CPZ: variants seen among roughly 807,000 people sequenced by gnomAD.
CPZ encodes carboxypeptidase Z.
In CPZ, 103 loss-of-function variants were observed where a neutral mutation model predicts 61.8. The ratio of observed to expected loss-of-function variants is 1.67; its 90% CI spans 1.42 to 1.96. CPZ has a LOEUF of 1.96. Among genes scored for constraint, CPZ ranks in the 30% most tolerant of loss-of-function variants. CPZ has a pLI of 0.00. For synonymous variants in CPZ, 551 were observed against 373.7 expected, an observed-to-expected ratio of 1.47 and a Z score of -5.47; for missense variants, 1,461 against 914.9, an observed-to-expected ratio of 1.60 and a Z score of -7.70.
chr4:8,606,665 G>A (rs1192525892), intron 5 of CPZ, 72 bp from the exon 6 acceptor site: 13 of 1,586,738 alleles, frequency 8.2e-6, no homozygotes, highest in East Asian at 4.5e-5. Flanking sequence ...TCAGCCCAGC[G>A]TGAGACCCAT....
At chr4:8,605,125 G>C (rs1714840968) in intron 4 of CPZ, among the ~76,000 whole-genome samples, 1 of 152,236 alleles carries the variant, frequency 6.6e-6, no homozygotes, top group Admixed American at 6.5e-5. Context: ...TATACCCCGG[G>C]ATGTGGCATC....
At chr4:8,605,793 C>T (rs980109782) in intron 4 of CPZ, among the ~76,000 whole-genome samples, 196 bp from the exon 5 acceptor site, 2 of 152,228 alleles carry the variant, frequency 1.3e-5, no homozygotes, top group Non-Finnish European at 2.9e-5. Flanking sequence ...ACTAAGAATT[C>T]TGGCTAGGCA....
At position 8,607,304 on chromosome 4, in the gene CPZ, A is replaced by G. The variant is rs761158013; in HGVS notation, c.1106A>G (p.Gln369Arg). The G allele has an allele frequency of 9.9e-6, 16 of 1,613,992 alleles. No homozygotes were observed. In the Admixed American group the frequency reaches 2.0e-4, roughly 20 times the overall value. Residue 369 changes from glutamine (Q) to arginine (R), a missense_variant, in exon 7 of 11, where the codon CAG becomes CGG. Gln to Arg is a conservative substitution (Grantham distance 43). Transcript: ENST00000360986. Reference sequence around the variant, plus strand: ...ACAAAGGCAATCATGAAGTGGATGCAGACCATACCCTTTGTGCTCTCAGCC... The same window carrying G: ...ACAAAGGCAATCATGAAGTGGATGCGGACCATACCCTTTGTGCTCTCAGCC... ...PETKAIMKWM[Q>R]TIPFVLSASL...
chr4:8,618,127 C>A lies in CPZ; in HGVS notation c.1504-302C>A, dbSNP rs542300246. 157 of 376,746 alleles carry A rather than the reference C, an allele frequency of 4.2e-4. 1 individual carries two copies. The highest frequency in any genetic ancestry group is 3.1e-3 in the African/African-American group (151 of 48,556). 23.3% of individuals were successfully genotyped at this position (376,746 alleles called of 1,614,324 possible). ...GAATGCCGATCAGGCAGAAGAGTGGCAGGAAAGGGTTCTCTGCTCAATGCC... is the reference window on the plus strand; with the variant it reads ...GAATGCCGATCAGGCAGAAGAGTGGAAGGAAAGGGTTCTCTGCTCAATGCC... On this transcript the variant is annotated intron_variant, in intron 9 of 10. Coordinates refer to ENST00000360986, the MANE Select transcript of CPZ (RefSeq NM_001014447.3).
At chr4:8,606,643 T>C (rs1715034293) in intron 5 of CPZ, 94 bp from the exon 6 acceptor site, 5 of 1,514,546 alleles carry the variant, frequency 3.3e-6, no homozygotes, top group Non-Finnish European at 4.6e-6. Flanking sequence ...CCGCAGCCCC[T>C]GGCCTTGACC....
Position 8,612,036 on chromosome 4 carries a change from CT to C in CPZ, c.1238del (p.Leu413ArgfsTer12), listed in dbSNP as rs748945333. 108 of 1,613,902 alleles carry C rather than the reference CT, an allele frequency of 6.7e-5. No homozygotes were observed. Among genetic ancestry groups the C allele is most frequent in the Non-Finnish European group, 6.8e-5 (80 of 1,180,024 alleles). The stretch of plus-strand genomic sequence containing the variant: ...CAGGTTTCTTTTCCAGATGTTCAAG[CT>C]GCTGTCCAGAGCCTACGCTGACGTC... Reference protein sequence around the residue: ...SPTPDEKMFKLLSRAYADVHP... With the variant: ...SPTPDEKMFKXLSRAYADVHP... On this transcript the variant is annotated frameshift_variant, in exon 8 of 11. Transcript: ENST00000360986. LOFTEE classifies it high-confidence loss of function.
In CPZ at chr4:8,592,881, C is replaced by G; in HGVS notation, c.48C>G (p.Ala16=). ...PLLLLTVLVV[A]AARPGCEFER... Reference sequence around the variant, plus strand: ...TGCTCCTTACAGTCCTGGTCGTCGCCGCTGCCCGGCCGGGGTGCGAGTTTG... The same window carrying G: ...TGCTCCTTACAGTCCTGGTCGTCGCGGCTGCCCGGCCGGGGTGCGAGTTTG... Residue 16 remains alanine (A), a synonymous_variant, in exon 1 of 11, where the codon GCC becomes GCG. Coordinates refer to ENST00000360986, the MANE Select transcript of CPZ (RefSeq NM_001014447.3). 1 of 1,534,292 alleles carries G rather than the reference C, an allele frequency of 6.5e-7. No homozygotes were observed. Among genetic ancestry groups the G allele is most frequent in the Non-Finnish European group, 8.7e-7 (1 of 1,144,042 alleles).
At position 8,609,109 on chromosome 4, in the gene CPZ, T is replaced by C. The variant is rs1440868336; in HGVS notation, c.1227+1684T>C. Among the ~76,000 whole-genome samples, 327 of 36,454 alleles carry C rather than the reference T, an allele frequency of 9.0e-3. 2 individuals are homozygous for C. Among genetic ancestry groups the C allele is most frequent in the African/African-American group, 0.013 (237 of 18,836 alleles). The allele number at this position is 36,454 out of a possible 152,430, so 23.9% of individuals were successfully genotyped here. On this transcript the variant is annotated intron_variant, in intron 7 of 10. Coordinates refer to ENST00000360986, the MANE Select transcript of CPZ (RefSeq NM_001014447.3). ...TCACCCATTCACTCACTCACTCCCT[T>C]CCTCACTCCCTCACTCATTCACTCA... is the stretch of plus-strand genomic sequence containing the variant.
rs181828033 is a variant in CPZ at position 8,601,740 on chromosome 4, C to A, written c.496+243C>A. Among the ~76,000 whole-genome samples the A allele has an allele frequency of 8.5e-5, 13 of 152,288 alleles. No homozygotes were observed. In the East Asian group the frequency reaches 2.3e-3, roughly 27 times the overall value. ...AGGGCCCCCTAGCAGAAGTCTCCAG[C>A]CCCTTAGAGGCAGGCTGGGGTGGAA... On this transcript the variant is annotated intron_variant, in intron 3 of 10. Transcript: ENST00000360986.
chr4:8,602,377 G>C (rs906451168), intron 3 of CPZ: 1 of 152,372 alleles, frequency 6.6e-6, no homozygotes, highest in Admixed American at 6.5e-5. Flanking sequence ...TGGCCCCCAA[G>C]GCTTGGGATG....
chr4:8,611,095 C>G lies in CPZ; in HGVS notation c.1228-932C>G, dbSNP rs1313253623. 6 of 401,116 alleles carry G rather than the reference C, an allele frequency of 1.5e-5. No individual in the cohort carries two copies. In the East Asian group the frequency reaches 4.5e-4, roughly 30 times the overall value. 24.8% of individuals were successfully genotyped at this position (401,116 alleles called of 1,614,324 possible). Reference sequence around the variant, plus strand: ...ACTCATTCATTCGCTCATTCACTCACTCACTCACTCACTCACTGGGCCCTG... The same window carrying G: ...ACTCATTCATTCGCTCATTCACTCAGTCACTCACTCACTCACTGGGCCCTG... On this transcript the variant is annotated intron_variant, in intron 7 of 10. Transcript: ENST00000360986.
Position 8,612,124 on chromosome 4 carries a change from GCAT to G in CPZ, c.1331_1333del (p.Ile444del). 1 of 1,587,350 alleles carries G rather than the reference GCAT, an allele frequency of 6.3e-7. No homozygotes were observed. The highest frequency in any genetic ancestry group is 1.1e-5 in the South Asian group (1 of 90,308). ...GGAGGCAATTTCCTGAAGAGGGGGA[GCAT>G]CATCAACGGGGCGGACTGGTACAGC... is the stretch of plus-strand genomic sequence containing the variant. On this transcript the variant is annotated inframe_deletion, in exon 8 of 11. Coordinates refer to ENST00000360986, the MANE Select transcript of CPZ (RefSeq NM_001014447.3).
intron 1 of CPZ, among the ~76,000 whole-genome samples, chr4:8,594,006 C>T (rs1713988225): frequency 6.6e-6 from 1 of 152,114 alleles, no homozygotes; most frequent in Non-Finnish European, 1.5e-5. Flanking sequence ...TGTTGGAGAC[C>T]ACAGCCCCCT....
At chr4:8,605,409 C>A (rs1714880936) in intron 4 of CPZ, among the ~76,000 whole-genome samples, 1 of 151,460 alleles carries the variant, frequency 6.6e-6, no homozygotes, top group African/African-American at 2.4e-5. Context: ...TACATCCATG[C>A]ATCCATCCAC....
chr4:8,598,398 G>T (rs949286180), intron 1 of CPZ, among the ~76,000 whole-genome samples: 2 of 152,236 alleles, frequency 1.3e-5, no homozygotes, highest in South Asian at 4.1e-4. Flanking sequence ...GCTCCGAAAA[G>T]CGGCCTGCAC....
intron 1 of CPZ, among the ~76,000 whole-genome samples, chr4:8,596,082 C>A (rs1430365951): frequency 6.6e-6 from 1 of 150,524 alleles, no homozygotes; most frequent in Admixed American, 6.6e-5. Flanking sequence ...AAGATAGAGT[C>A]TCTCTGTCAC....
At chr4:8,612,642 G>C (rs1446344719) in intron 8 of CPZ, among the ~76,000 whole-genome samples, 1 of 152,206 alleles carries the variant, frequency 6.6e-6, no homozygotes, top group Non-Finnish European at 1.5e-5. Context: ...CTTGAAGCGT[G>C]TACATCTTTA....
Position 8,606,160 on chromosome 4 carries a change from A to G in CPZ, c.881A>G (p.Asp294Gly), listed in dbSNP as rs1478377994. Reference sequence around the variant, plus strand: ...CACCTGCTGCCCTCCATGAACCCTGACGGCTATGAGGTGGCAGCTGCCGAG... The same window carrying G: ...CACCTGCTGCCCTCCATGAACCCTGGCGGCTATGAGGTGGCAGCTGCCGAG... ...RIHLLPSMNP[D>G]GYEVAAAEGA... The change falls in exon 5 of 11, where the codon GAC becomes GGC. Residue 294 changes from aspartate to glycine, a missense_variant. Asp to Gly is a moderately conservative substitution (Grantham distance 94). Transcript: ENST00000360986. The G allele has an allele frequency of 6.2e-7, 1 of 1,613,922 alleles. No homozygotes were observed. Among genetic ancestry groups the G allele is most frequent in the Admixed American group, 1.7e-5 (1 of 60,010 alleles).
rs1306139086 is a variant in CPZ, at chr4:8,612,016, T to A, written c.1228-11T>A. ...GACCCTTTCCTTATCTGAGCCAGGT[T>A]TCTTTTCCAGATGTTCAAGCTGCTG... On this transcript the variant is annotated splice_polypyrimidine_tract_variant and intron_variant, in intron 7 of 10. Coordinates refer to ENST00000360986, the MANE Select transcript of CPZ (RefSeq NM_001014447.3). 7.4e-6 allele frequency: 12 copies of A among 1,613,746 alleles called. No individual in the cohort carries two copies. Among genetic ancestry groups the A allele is most frequent in the Non-Finnish European group, 1.0e-5 (12 of 1,179,964 alleles).
Sources: gnomAD v4.1 joint callset for allele counts (sites outside exome capture counted in the v4.1 genomes callset) on GRCh38, gnomAD v4.1.1 for gene constraint, MANE v1.5 for transcripts, NCBI Gene and HGNC (gene_info 2026-07-23, HGNC 2026-07-21) for gene names.